Variants in GLI2 observed in about 807,000 individuals in gnomAD.
GLI2 encodes transcription activator GLI2.
GLI2 carries 22 observed loss-of-function variants against 78.9 expected under a neutral mutation model. The observed-to-expected ratio is 0.28, with a 90% CI of 0.20 to 0.40. GLI2 has a LOEUF of 0.40. Ranked by LOEUF, GLI2 falls within the 10% of genes least tolerant of loss-of-function variation. GLI2 has a pLI of 1.00. For synonymous variants in GLI2, 974 were observed against 963.7 expected (o/e 1.01, Z -0.20); for missense variants, 2,097 against 2,213.2 (o/e 0.95, Z 1.05).
chr2:120,877,789 G>T (rs955985455), intron 2 of GLI2, among the ~76,000 whole-genome samples: 1 of 152,010 alleles, frequency 6.6e-6, no homozygotes, highest in African/African-American at 2.4e-5. Flanking sequence ...TGGGCATTTG[G>T]GTTGTTTCCA....
At chr2:120,939,713 A>G (rs542752479) in intron 3 of GLI2, among the ~76,000 whole-genome samples, 1 of 152,310 alleles carries the variant, frequency 6.6e-6, no homozygotes, top group East Asian at 1.9e-4. Flanking sequence ...TAATTTGAAC[A>G]TGACTGCAGA....
chr2:120,780,878 T>C (rs779520600), intron 1 of GLI2, among the ~76,000 whole-genome samples: 3 of 152,214 alleles, frequency 2.0e-5, no homozygotes, highest in Non-Finnish European at 4.4e-5. Context: ...TTACAGCTTC[T>C]GGACACCAGT....
At chr2:120,985,000 G>T (rs1229862858) in intron 12 of GLI2, among the ~76,000 whole-genome samples, 1 of 152,184 alleles carries the variant, frequency 6.6e-6, no homozygotes, top group Non-Finnish European at 1.5e-5. Context: ...ATGCCGCCCT[G>T]TACGGTGGGC....
At chr2:120,897,050 T>C (rs949763754) in intron 2 of GLI2, among the ~76,000 whole-genome samples, 9 of 152,126 alleles carry the variant, frequency 5.9e-5, no homozygotes, top group African/African-American at 2.2e-4. Flanking sequence ...GGAGAGGGGC[T>C]GGGGGAAGAG....
At chr2:120,813,012 C>A (rs1288901102) in intron 2 of GLI2, among the ~76,000 whole-genome samples, 1 of 151,316 alleles carries the variant, frequency 6.6e-6, no homozygotes, top group Non-Finnish European at 1.5e-5. Flanking sequence ...GGGAGATGGA[C>A]CCCCAGCACT....
intron 2 of GLI2, among the ~76,000 whole-genome samples, chr2:120,897,548 G>A (rs1678040495): frequency 6.6e-6 from 1 of 152,176 alleles, no homozygotes; most frequent in African/African-American, 2.4e-5. Flanking sequence ...TTGGAGGCCA[G>A]GGGATTGATT....
chr2:120,809,162 T>G (rs1685110619), intron 2 of GLI2, among the ~76,000 whole-genome samples: 1 of 152,212 alleles, frequency 6.6e-6, no homozygotes, highest in African/African-American at 2.4e-5. Context: ...GGTATGTATG[T>G]ACAATGGAAT....
intron 2 of GLI2, among the ~76,000 whole-genome samples, chr2:120,901,665 T>TA (rs1421665295): frequency 6.6e-6 from 1 of 152,218 alleles, no homozygotes; most frequent in Non-Finnish European, 1.5e-5. Context: ...AATATCGTCT[T>TA]AAAGAATGAT....
intron 2 of GLI2, chr2:120,867,184 G>A (rs1405195070): frequency 6.6e-6 from 1 of 152,256 alleles, no homozygotes; most frequent in Non-Finnish European, 1.5e-5. Flanking sequence ...CACAGAGTCA[G>A]GAGTTGGAGG....
chr2:120,947,352 T>G (rs894700706), intron 3 of GLI2, among the ~76,000 whole-genome samples: 2 of 152,248 alleles, frequency 1.3e-5, no homozygotes, highest in Non-Finnish European at 2.9e-5. Context: ...AAAGTGCCTG[T>G]GTTGTGAATG....
intron 1 of GLI2, among the ~76,000 whole-genome samples, chr2:120,759,798 T>G (rs1683160827): frequency 6.6e-6 from 1 of 152,114 alleles, no homozygotes; most frequent in African/African-American, 2.4e-5. Flanking sequence ...CTGCCTTGGA[T>G]TTTCAGGTGA....
At chr2:120,927,281 A>T in intron 2 of GLI2, 80 bp from the exon 3 acceptor site, 1 of 1,008,742 alleles carries the variant, frequency 9.9e-7, no homozygotes, top group Non-Finnish European at 1.6e-6. Flanking sequence ...AAATTCATTG[A>T]GCTTTAAAGC....
chr2:120,920,211 C>A (rs1042739986), intron 2 of GLI2, among the ~76,000 whole-genome samples: 10 of 152,260 alleles, frequency 6.6e-5, no homozygotes, highest in Non-Finnish European at 1.2e-4. Flanking sequence ...GAGGTGGCTG[C>A]TTTCACCTCC....
chr2:120,943,180 G>A (rs1450398775), intron 3 of GLI2, among the ~76,000 whole-genome samples: 1 of 152,206 alleles, frequency 6.6e-6, no homozygotes, highest in Non-Finnish European at 1.5e-5. Flanking sequence ...ACCTAACACA[G>A]AAGCACCGTA....
In GLI2 at chr2:120,793,201, G is replaced by A. The variant is rs1040059671; in HGVS notation, c.-30-4090G>A. Among the ~76,000 whole-genome samples the A allele has an allele frequency of 3.9e-5, 6 of 152,236 alleles. No individual in the cohort carries two copies. The East Asian group carries it at 1.2e-3, about 29-fold the overall frequency. On this transcript the variant is annotated intron_variant, in intron 1 of 13. Coordinates refer to ENST00000361492, the MANE Select transcript of GLI2 (RefSeq NM_001374353.1). ...GGGGCTTCTCCGGGCCCTGGGTCCC[G>A]GGTGCCCGCTCCCACCCCCTTAGCA...
At chr2:120,926,975 G>A (rs1421739898) in intron 2 of GLI2, among the ~76,000 whole-genome samples, 1 of 152,210 alleles carries the variant, frequency 6.6e-6, no homozygotes, top group Non-Finnish European at 1.5e-5. Context: ...CCGTAACCTG[G>A]TGCTGCTGGA....
intron 8 of GLI2, among the ~76,000 whole-genome samples, chr2:120,973,450 G>A (rs1239142212): frequency 6.6e-6 from 1 of 152,230 alleles, no homozygotes; most frequent in Non-Finnish European, 1.5e-5. Context: ...CTCTGCGCAC[G>A]TGTCAGTGCA....
At chr2:120,784,959 A>C (rs1304139625) in intron 1 of GLI2, among the ~76,000 whole-genome samples, 1 of 152,140 alleles carries the variant, frequency 6.6e-6, no homozygotes, top group Non-Finnish European at 1.5e-5. Flanking sequence ...TTCTGTGGTC[A>C]AGGATGGAGA....
intron 3 of GLI2, among the ~76,000 whole-genome samples, chr2:120,940,615 T>C (rs898476646): frequency 3.9e-5 from 6 of 152,190 alleles, no homozygotes; most frequent in Non-Finnish European, 8.8e-5. Context: ...GTCCATTCTC[T>C]CTCTGTGACC....
Sources: gnomAD v4.1 joint callset for allele counts (sites outside exome capture counted in the v4.1 genomes callset) on GRCh38, gnomAD v4.1.1 for gene constraint, MANE v1.5 for transcripts, NCBI Gene and HGNC (gene_info 2026-07-23, HGNC 2026-07-21) for gene names.